Variants in THSD7A observed in about 807,000 individuals in gnomAD.
The protein encoded by THSD7A is thrombospondin type 1 domain containing 7A.
THSD7A carries 96 observed loss-of-function variants against 231.3 expected under a neutral mutation model. That is an observed-to-expected ratio of 0.41 (90% confidence interval 0.35 to 0.49). The LOEUF (loss-of-function observed/expected upper bound fraction) is 0.49. Ranked by LOEUF, THSD7A falls within the 20% of genes least tolerant of loss-of-function variation. The pLI is 0.05. For missense variants in THSD7A, 2,290 were observed against 2,070.2 expected (o/e 1.11, Z -2.06); for synonymous variants, 940 against 743.3 (o/e 1.26, Z -4.30).
chr7:11,381,547 G>A (rs1369197732), intron 24 of THSD7A, among the ~76,000 whole-genome samples: 1 of 152,074 alleles, frequency 6.6e-6, no homozygotes, highest in Non-Finnish European at 1.5e-5. Flanking sequence ...TCACTCAGAG[G>A]CATCCAAATG....
In THSD7A at chr7:11,461,709, A is replaced by C. The variant is rs570223256; in HGVS notation, c.2501+302T>G. Among the ~76,000 whole-genome samples, 8 of 152,298 alleles carry C rather than the reference A, an allele frequency of 5.3e-5. No homozygotes were observed. The South Asian group carries it at 1.7e-3, about 32-fold the overall frequency. ...TTTCTTCCTAAAGTATACATGTTTC[A>C]TAATTATTAATCACTTTTCAGCATT... On this transcript the variant is annotated intron_variant, in intron 10 of 27. Transcript: ENST00000423059.
At chr7:11,424,915 A>G (rs1784269508) in intron 15 of THSD7A, 86 bp from the exon 16 acceptor site, 17 of 1,511,236 alleles carry the variant, frequency 1.1e-5, no homozygotes, top group Non-Finnish European at 1.5e-5. Flanking sequence ...CAATCATTTC[A>G]CTGTGAAGCT....
intron 2 of THSD7A, among the ~76,000 whole-genome samples, chr7:11,621,083 T>A (rs1234190409): frequency 2.0e-5 from 3 of 152,230 alleles, no homozygotes; most frequent in Admixed American, 1.3e-4. Context: ...CAATGTTTTC[T>A]TTTCAAATTG....
At chr7:11,703,251 C>T (rs569253494) in intron 1 of THSD7A, among the ~76,000 whole-genome samples, 1 of 151,156 alleles carries the variant, frequency 6.6e-6, no homozygotes, top group African/African-American at 2.4e-5. Flanking sequence ...CCCAAACTGT[C>T]TTAATTTGCC....
At chr7:11,712,858 A>T (rs547442087) in intron 1 of THSD7A, among the ~76,000 whole-genome samples, 1 of 151,240 alleles carries the variant, frequency 6.6e-6, no homozygotes, top group South Asian at 2.1e-4. Flanking sequence ...ATGTAAGTCA[A>T]AGAAAAGGGT....
chr7:11,764,743 T>C (rs963941081), intron 1 of THSD7A, among the ~76,000 whole-genome samples: 9 of 152,110 alleles, frequency 5.9e-5, no homozygotes, highest in Admixed American at 2.0e-4. Context: ...ATGGATTATA[T>C]TAGGATTATA....
chr7:11,729,009 A>G (rs1781636031), intron 1 of THSD7A, among the ~76,000 whole-genome samples: 1 of 151,838 alleles, frequency 6.6e-6, no homozygotes, highest in African/African-American at 2.4e-5. Context: ...AGATGAAACC[A>G]TATCATTAAA....
intron 11 of THSD7A, among the ~76,000 whole-genome samples, chr7:11,449,956 T>G (rs78464332): frequency 0.05 from 7,633 of 152,166 alleles, 591 homozygotes; most frequent in African/African-American, 0.17. Flanking sequence ...GGTTTCACTG[T>G]TTGTAACTAA....
chr7:11,595,847 G>C (rs1562755815), intron 2 of THSD7A, among the ~76,000 whole-genome samples: 1 of 152,228 alleles, frequency 6.6e-6, no homozygotes, highest in Non-Finnish European at 1.5e-5. Flanking sequence ...AACCATCAAA[G>C]GCAAGGCGGG....
intron 6 of THSD7A, among the ~76,000 whole-genome samples, chr7:11,534,313 C>T (rs951140311): frequency 6.6e-6 from 1 of 152,148 alleles, no homozygotes; most frequent in Non-Finnish European, 1.5e-5. Context: ...TTGTGACTTG[C>T]TTTGACTAGC....
intron 4 of THSD7A, among the ~76,000 whole-genome samples, chr7:11,571,936 G>A (rs184046718): frequency 5.7e-4 from 86 of 151,548 alleles, no homozygotes; most frequent in Non-Finnish European, 8.3e-4. Context: ...TCTTTAAGTT[G>A]ATGTTTTTTT....
chr7:11,494,461 C>G (rs968166896), intron 6 of THSD7A, among the ~76,000 whole-genome samples: 2 of 151,882 alleles, frequency 1.3e-5, no homozygotes, highest in Non-Finnish European at 2.9e-5. Context: ...GACTAAAGTT[C>G]CAGGTAAAAT....
chr7:11,495,620 G>A (rs944070510), intron 6 of THSD7A, among the ~76,000 whole-genome samples: 3 of 152,030 alleles, frequency 2.0e-5, no homozygotes, highest in Admixed American at 6.6e-5. Flanking sequence ...CTCTCTAGAA[G>A]CCATTACAAA....
intron 1 of THSD7A, among the ~76,000 whole-genome samples, chr7:11,674,150 A>ACTAAATC (rs1376998944): frequency 6.6e-6 from 1 of 151,994 alleles, no homozygotes; most frequent in Non-Finnish European, 1.5e-5. Context: ...AGCAAGGCCC[A>ACTAAATC]CTAAATCCCC....
intron 1 of THSD7A, among the ~76,000 whole-genome samples, chr7:11,653,688 A>T (rs1413222898): frequency 6.6e-6 from 1 of 151,908 alleles, no homozygotes; most frequent in Non-Finnish European, 1.5e-5. Flanking sequence ...TAGGCCAGCC[A>T]GCAATCAGTT....
At chr7:11,568,581 C>T (rs1023140930) in intron 4 of THSD7A, among the ~76,000 whole-genome samples, 24 of 125,368 alleles carry the variant, frequency 1.9e-4, no homozygotes, top group Non-Finnish European at 2.7e-4. Flanking sequence ...GCCGAGATCA[C>T]GCCACTGCAC....
intron 7 of THSD7A, among the ~76,000 whole-genome samples, chr7:11,476,361 A>C (rs796705956): frequency 7.0e-6 from 1 of 142,856 alleles, no homozygotes; most frequent in South Asian, 2.2e-4. Flanking sequence ...ACACACACAC[A>C]CCATTTTTTT....
intron 1 of THSD7A, among the ~76,000 whole-genome samples, chr7:11,801,243 G>A (rs774338928): frequency 6.6e-6 from 1 of 152,050 alleles, no homozygotes; most frequent in East Asian, 1.9e-4. Flanking sequence ...TATGTTGCTG[G>A]ATGTAATACT....
At chr7:11,776,860 T>G (rs1001716568) in intron 1 of THSD7A, among the ~76,000 whole-genome samples, 1 of 152,192 alleles carries the variant, frequency 6.6e-6, no homozygotes. Context: ...TAGTGATTCT[T>G]TCTCGTCAGG....
Sources: gnomAD v4.1 joint callset for allele counts (sites outside exome capture counted in the v4.1 genomes callset) on GRCh38, gnomAD v4.1.1 for gene constraint, MANE v1.5 for transcripts, NCBI Gene and HGNC (gene_info 2026-07-23, HGNC 2026-07-21) for gene names.